The following DMD variants were observed in gnomAD, a reference collection of about 807,000 sequenced individuals.
The protein encoded by DMD is dystrophin.
In DMD, 63 loss-of-function variants were observed where a neutral mutation model predicts 330.1. That is an observed-to-expected ratio of 0.19 (90% confidence interval 0.16 to 0.24). The LOEUF is 0.24. DMD is among the 10% of genes least tolerant of loss of function. The pLI is 1.00. For missense variants in DMD, 3,344 were observed against 2,684.1 expected, an observed-to-expected ratio of 1.25 and a Z score of -5.43; for synonymous variants, 1,223 against 959.8, an observed-to-expected ratio of 1.27 and a Z score of -5.07.
At chrX:32,914,756 G>A (rs1452875748) in intron 2 of DMD, among the ~76,000 whole-genome samples, 1 of 112,342 alleles carries the variant, frequency 8.9e-6, no homozygotes, top group Non-Finnish European at 1.9e-5. Context: ...TCTAGGGATG[G>A]GATGATGCAT....
At chrX:33,292,670 T>C in intron 1 of DMD, among the ~76,000 whole-genome samples, 1 of 110,144 alleles carries the variant, frequency 9.1e-6, no homozygotes, top group Admixed American at 9.7e-5. Context: ...AATGAGAAGA[T>C]ATATAGATGA....
intron 7 of DMD, among the ~76,000 whole-genome samples, chrX:32,712,618 C>T (rs941649788): frequency 9.0e-6 from 1 of 110,804 alleles, no homozygotes; most frequent in African/African-American, 3.3e-5. Context: ...TTCTAATTTT[C>T]CCAAGTGAAT....
At chrX:33,089,180 C>T (rs1157049960) in intron 1 of DMD, among the ~76,000 whole-genome samples, 1 of 107,643 alleles carries the variant, frequency 9.3e-6, no homozygotes, top group Admixed American at 1.0e-4. Context: ...CTTCTCCTGC[C>T]TCAGCCTCCC....
intron 50 of DMD, among the ~76,000 whole-genome samples, chrX:31,797,858 T>C (rs1569424332): frequency 9.0e-6 from 1 of 111,550 alleles, no homozygotes; most frequent in Non-Finnish European, 1.9e-5. Flanking sequence ...CAGGAAGATT[T>C]ATAGGTGGTA....
At chrX:32,609,470 C>T (rs752866023) in intron 12 of DMD, among the ~76,000 whole-genome samples, 107 of 110,794 alleles carry the variant, frequency 9.7e-4, no homozygotes, top group African/African-American at 3.3e-3. Flanking sequence ...TACAAGACAT[C>T]GTAAATGATT....
chrX:32,716,202 C>T (rs1468826939), intron 7 of DMD, among the ~76,000 whole-genome samples: 1 of 110,931 alleles, frequency 9.0e-6, no homozygotes, highest in Non-Finnish European at 1.9e-5. Flanking sequence ...TTTCCTTGCC[C>T]AAATCTCATG....
intron 64 of DMD, among the ~76,000 whole-genome samples, chrX:31,222,780 G>A (rs2046233319): frequency 8.9e-6 from 1 of 112,154 alleles, no homozygotes; most frequent in South Asian, 3.7e-4. Flanking sequence ...GGATGCCGAT[G>A]CCAATGCCAG....
At position 31,622,877 on chromosome X, in the gene DMD, T is replaced by TATATACAC. The variant is rs1361969125; in HGVS notation, c.8217+4795_8217+4796insGTGTATAT. ...ATATATATATATATATATATATATA[T>TATATACAC]ACACACACACACACACACACACACA... On this transcript the variant is annotated intron_variant, in intron 55 of 78. Coordinates refer to ENST00000357033, the MANE Select transcript of DMD (RefSeq NM_004006.3). 7.3e-3 allele frequency among the ~76,000 whole-genome samples: 511 copies of TATATACAC among 70,241 alleles called. 2 individuals carry two copies. Among genetic ancestry groups the TATATACAC allele is most frequent in the Middle Eastern group, 0.016 (2 of 124 alleles). 61.0% of individuals were successfully genotyped at this position (70,241 alleles called of 115,157 possible). A position where few individuals can be genotyped will look rare whatever the true frequency, so the allele number is the denominator to read the frequency against.
chrX:31,864,826 TA>T (rs2093771543), intron 48 of DMD, among the ~76,000 whole-genome samples: 1 of 111,923 alleles, frequency 8.9e-6, no homozygotes, highest in Non-Finnish European at 1.9e-5. Flanking sequence ...CCTCTTACCA[TA>T]ACTCCTGATA....
intron 2 of DMD, among the ~76,000 whole-genome samples, chrX:32,958,326 C>A (rs1054334799): frequency 9.0e-6 from 1 of 111,512 alleles, no homozygotes; most frequent in South Asian, 3.7e-4. Context: ...ATAAACAGTG[C>A]TTATCAATCA....
chrX:32,588,776 G>A (rs1335579636), intron 13 of DMD, among the ~76,000 whole-genome samples: 1 of 111,927 alleles, frequency 8.9e-6, no homozygotes, highest in Non-Finnish European at 1.9e-5. Flanking sequence ...ATAAGGTTGA[G>A]AAATATTTTG....
chrX:32,956,607 A>C (rs2091603295), intron 2 of DMD, among the ~76,000 whole-genome samples: 1 of 111,757 alleles, frequency 8.9e-6, no homozygotes, highest in Admixed American at 9.5e-5. Flanking sequence ...TTGGGCTGAG[A>C]CCATGGGGTT....
intron 44 of DMD, among the ~76,000 whole-genome samples, chrX:32,181,769 T>C (rs2096927785): frequency 9.0e-6 from 1 of 111,340 alleles, no homozygotes. Context: ...CCTAAAAATA[T>C]AGTATATTTT....
At chrX:32,668,756 GA>G (rs995107519) in intron 9 of DMD, among the ~76,000 whole-genome samples, 2 of 104,453 alleles carry the variant, frequency 1.9e-5, no homozygotes, top group African/African-American at 7.7e-5. Flanking sequence ...GAACTTGAAA[GA>G]TTTTTTTTTT....
intron 44 of DMD, among the ~76,000 whole-genome samples, chrX:32,134,970 T>C (rs1007557990): frequency 6.2e-5 from 7 of 112,016 alleles, no homozygotes; most frequent in African/African-American, 2.3e-4. Context: ...TAGGGGTCTA[T>C]TTTTATGGCC....
chrX:31,385,859 A>G (rs1458756002), intron 60 of DMD, among the ~76,000 whole-genome samples: 1 of 112,203 alleles, frequency 8.9e-6, no homozygotes, highest in Non-Finnish European at 1.9e-5. Flanking sequence ...CATTTGACCC[A>G]GCCATCCCAT....
intron 43 of DMD, among the ~76,000 whole-genome samples, chrX:32,282,863 A>G (rs1252624653): frequency 8.9e-6 from 1 of 112,454 alleles, no homozygotes; most frequent in East Asian, 2.8e-4. Context: ...TTCTAGCTGT[A>G]AAACAATCCT....
intron 48 of DMD, among the ~76,000 whole-genome samples, chrX:31,845,578 C>T (rs1395981100): frequency 1.8e-5 from 2 of 110,500 alleles, no homozygotes; most frequent in East Asian, 5.7e-4. Flanking sequence ...GGATAAGGGG[C>T]TGGTGGAAGA....
At chrX:31,970,654 T>C (rs914958844) in intron 44 of DMD, among the ~76,000 whole-genome samples, 3 of 110,759 alleles carry the variant, frequency 2.7e-5, no homozygotes, top group Non-Finnish European at 5.7e-5. Context: ...GCAATCTCCA[T>C]GATGTGACCA....
Sources: allele counts gnomAD v4.1 joint callset (sites outside exome capture counted in the v4.1 genomes callset), GRCh38; gene constraint gnomAD v4.1.1; transcripts MANE v1.5; gene names NCBI Gene and HGNC (gene_info 2026-07-23, HGNC 2026-07-21).